RAP2A: variants seen among roughly 807,000 people sequenced by gnomAD.
RAP2A encodes RAP2A, member of RAS oncogene family, also known as ras-related protein Rap-2a.
RAP2A carries 5 observed loss-of-function variants against 15.1 expected under a neutral mutation model. The ratio of observed to expected loss-of-function variants is 0.33; its 90% CI spans 0.17 to 0.70. The LOEUF is 0.70. Ranked by LOEUF, RAP2A falls within the 30% of genes least tolerant of loss-of-function variation. The probability of loss-of-function intolerance (pLI) is 0.68; values close to 1 mark genes in which losing one functional copy is unlikely to be tolerated. For missense variants in RAP2A, 111 were observed against 240.3 expected (o/e 0.46, Z 3.56); for synonymous variants, 110 against 99.7 (o/e 1.10, Z -0.62).
intron 1 of RAP2A, among the ~76,000 whole-genome samples, chr13:97,435,465 C>CAAAAAA (rs35791914): frequency 1.4e-4 from 9 of 63,628 alleles, no homozygotes; most frequent in Admixed American, 1.7e-4. Flanking sequence ...TAACCCCTTC[C>CAAAAAA]AAAAAAAAAA....
chr13:97,456,271 GA>G (rs796532574), intron 1 of RAP2A, among the ~76,000 whole-genome samples: 24 of 138,888 alleles, frequency 1.7e-4, no homozygotes, highest in Admixed American at 3.5e-4. Flanking sequence ...AAGGCCACAA[GA>G]AAAAAAAAAA....
chr13:97,437,099 T>C (rs2066637343), intron 1 of RAP2A, among the ~76,000 whole-genome samples: 1 of 152,194 alleles, frequency 6.6e-6, no homozygotes, highest in Admixed American at 6.5e-5. Context: ...ATTTTAACAT[T>C]CCTAGTAGCT....
At chr13:97,448,375 T>G (rs532190287) in intron 1 of RAP2A, among the ~76,000 whole-genome samples, 3 of 152,324 alleles carry the variant, frequency 2.0e-5, no homozygotes, top group East Asian at 1.9e-4. Context: ...TTCTGTAGTA[T>G]TTTACAATAT....
intron 1 of RAP2A, among the ~76,000 whole-genome samples, chr13:97,447,412 A>G (rs932511886): frequency 8.5e-5 from 13 of 152,354 alleles, no homozygotes; most frequent in African/African-American, 2.2e-4. Flanking sequence ...CTGTTGATGA[A>G]GAAAGAGTCT....
intron 1 of RAP2A, among the ~76,000 whole-genome samples, chr13:97,441,495 A>G (rs2066657412): frequency 6.6e-6 from 1 of 152,120 alleles, no homozygotes; most frequent in Non-Finnish European, 1.5e-5. Context: ...ATATGGCACA[A>G]TAAGGTGCAT....
At chr13:97,451,199 GT>G (rs1385062986) in intron 1 of RAP2A, among the ~76,000 whole-genome samples, 9 of 151,960 alleles carry the variant, frequency 5.9e-5, no homozygotes, top group Admixed American at 3.9e-4. Flanking sequence ...TACTTTTCCT[GT>G]TTTAATGAAG....
chr13:97,459,254 A>G (rs2066736584), intron 1 of RAP2A, among the ~76,000 whole-genome samples: 1 of 152,028 alleles, frequency 6.6e-6, no homozygotes, highest in Admixed American at 6.5e-5. Context: ...CCAAATGATG[A>G]AAAGGGGGTA....
intron 1 of RAP2A, among the ~76,000 whole-genome samples, chr13:97,446,539 C>G (rs2066680411): frequency 6.6e-6 from 1 of 152,188 alleles, no homozygotes; most frequent in Non-Finnish European, 1.5e-5. Flanking sequence ...CCCTTTGAGT[C>G]TGTGCTGCCT....
At chr13:97,443,779 C>T (rs908700116) in intron 1 of RAP2A, among the ~76,000 whole-genome samples, 1 of 152,074 alleles carries the variant, frequency 6.6e-6, no homozygotes, top group Non-Finnish European at 1.5e-5. Context: ...ATTGTATATA[C>T]TTATCTTCTC....
In RAP2A at chr13:97,434,886, G is replaced by A. The variant is rs905654154; in HGVS notation, c.314+102G>A. 2.1e-5 allele frequency: 31 copies of A among 1,482,800 alleles called. No homozygotes were observed. The African/African-American group carries it at 4.1e-4, about 20-fold the overall frequency. 91.9% of individuals were successfully genotyped at this position (1,482,800 alleles called of 1,614,324 possible). A position where few individuals can be genotyped will look rare whatever the true frequency, so the allele number is the denominator to read the frequency against. ...CTCCGGGGAAGGGGCTTTCTGGGGG[G>A]TGGCTCCAAGCTGGAGGCTTTACTA... On this transcript the variant is annotated intron_variant, in intron 1 of 1. Transcript: ENST00000245304.
chr13:97,435,987 C>G (rs1017015887), intron 1 of RAP2A: 1 of 152,124 alleles, frequency 6.6e-6, no homozygotes, highest in Non-Finnish European at 1.5e-5. Flanking sequence ...AGGGGATGAT[C>G]AAAAATTCAT....
intron 1 of RAP2A, among the ~76,000 whole-genome samples, chr13:97,451,745 A>C (rs2066703111): frequency 6.6e-6 from 1 of 151,476 alleles, no homozygotes; most frequent in Admixed American, 6.6e-5. Context: ...TGATTTTTCA[A>C]AGTAGTTGTA....
intron 1 of RAP2A, among the ~76,000 whole-genome samples, chr13:97,453,045 C>CT (rs535941210): frequency 6.6e-6 from 1 of 150,870 alleles, no homozygotes. Context: ...TTGTTTGTGT[C>CT]TTTTTTTTCT....
intron 1 of RAP2A, 64 bp downstream of exon 1, chr13:97,434,848 T>G (rs941244119): frequency 3.2e-6 from 5 of 1,581,580 alleles, no homozygotes; most frequent in Non-Finnish European, 4.3e-6. Context: ...GGGCTGGAAC[T>G]CCCCGCGCGG....
rs1203601635 is a variant in RAP2A at position 97,466,887 on chromosome 13, T to C, written c.*2445T>C. 2 of 152,184 alleles carry C rather than the reference T, an allele frequency of 1.3e-5. No individual in the cohort carries two copies. The highest frequency in any genetic ancestry group is 2.9e-5 in the Non-Finnish European group (2 of 68,026). 9.4% of individuals were successfully genotyped at this position (152,184 alleles called of 1,614,324 possible). ...ACTGGAAATTCATATCCATCTGGTA[T>C]GAATATATAACTCAGCTGGCAAATG... On this transcript the variant is annotated 3_prime_UTR_variant, in exon 2 of 2. Transcript: ENST00000245304.
At chr13:97,440,271 G>A (rs1190773015) in intron 1 of RAP2A, among the ~76,000 whole-genome samples, 2 of 151,916 alleles carry the variant, frequency 1.3e-5, no homozygotes, top group African/African-American at 4.8e-5. Context: ...TGGTGAATTA[G>A]TAGGAAAAAT....
chr13:97,450,866 G>A (rs746976428), intron 1 of RAP2A, among the ~76,000 whole-genome samples: 73 of 152,192 alleles, frequency 4.8e-4, no homozygotes, highest in Non-Finnish European at 2.1e-4. Context: ...GATTTTTGAG[G>A]TACTGTGACA....
chr13:97,442,799 A>G (rs2066663406), intron 1 of RAP2A, among the ~76,000 whole-genome samples: 1 of 152,332 alleles, frequency 6.6e-6, no homozygotes, highest in South Asian at 2.1e-4. Context: ...GTTCCCAGCA[A>G]TGCTGTGTAA....
chr13:97,451,152 A>G (rs955822178), intron 1 of RAP2A, among the ~76,000 whole-genome samples: 1 of 152,214 alleles, frequency 6.6e-6, no homozygotes, highest in Non-Finnish European at 1.5e-5. Context: ...CACACAGCCA[A>G]CAGGCATGTG....
Sources: allele counts gnomAD v4.1 joint callset (sites outside exome capture counted in the v4.1 genomes callset), GRCh38; gene constraint gnomAD v4.1.1; transcripts MANE v1.5; gene names NCBI Gene and HGNC (gene_info 2026-07-23, HGNC 2026-07-21).